BTBD9: variants seen among roughly 807,000 people sequenced by gnomAD.
BTBD9 encodes the protein BTB domain containing 9.
A neutral mutation model predicts 64.3 loss-of-function variants in BTBD9; 49 were observed. That is an observed-to-expected ratio of 0.76 (90% confidence interval 0.61 to 0.97). The LOEUF (loss-of-function observed/expected upper bound fraction) is 0.97, where lower values mean the gene tolerates loss of function less well. Among genes scored for constraint, BTBD9 ranks in the 50% least tolerant of loss-of-function variants. The probability of loss-of-function intolerance (pLI) is 0.00; values close to 1 mark genes in which losing one functional copy is unlikely to be tolerated. For missense variants in BTBD9, 598 were observed against 762.1 expected (o/e 0.78, Z 2.53); for synonymous variants, 260 against 274.7 (o/e 0.95, Z 0.53).
intron 7 of BTBD9, among the ~76,000 whole-genome samples, chr6:38,333,373 G>A (rs1253747419): frequency 2.6e-5 from 4 of 152,196 alleles, no homozygotes; most frequent in African/African-American, 4.8e-5. Context: ...AAACAGTTAA[G>A]TTAGTTTTGT....
intron 7 of BTBD9, among the ~76,000 whole-genome samples, chr6:38,291,965 C>CTTTT (rs562126426): frequency 7.0e-6 from 1 of 143,016 alleles, no homozygotes; most frequent in East Asian, 2.0e-4. Context: ...TTTTTTCTTT[C>CTTTT]TTTTTTTTTT....
intron 7 of BTBD9, among the ~76,000 whole-genome samples, chr6:38,306,346 C>A (rs1762621324): frequency 6.6e-6 from 1 of 152,178 alleles, no homozygotes; most frequent in South Asian, 2.1e-4. Flanking sequence ...TGTTCCTTTG[C>A]CATCCCTCAC....
chr6:38,334,491 C>T (rs556785646), intron 7 of BTBD9, among the ~76,000 whole-genome samples: 18 of 152,026 alleles, frequency 1.2e-4, no homozygotes, highest in African/African-American at 4.3e-4. Flanking sequence ...ACCCAGGAGG[C>T]GGAGGTTGTA....
intron 6 of BTBD9, among the ~76,000 whole-genome samples, chr6:38,378,964 G>A (rs887147374): frequency 1.3e-5 from 2 of 152,066 alleles, no homozygotes; most frequent in Non-Finnish European, 2.9e-5. Context: ...GCTGGTGTTT[G>A]CTCTGATGTA....
chr6:38,225,217 C>T (rs12176364), intron 9 of BTBD9, among the ~76,000 whole-genome samples: 12,415 of 152,266 alleles, frequency 0.082, 987 homozygotes, highest in East Asian at 0.45. Flanking sequence ...TCTCTTTTCC[C>T]ACAATGCCAT....
intron 1 of BTBD9, among the ~76,000 whole-genome samples, chr6:38,627,119 T>C (rs962523791): frequency 6.6e-6 from 1 of 152,188 alleles, no homozygotes; most frequent in Admixed American, 6.5e-5. Flanking sequence ...AAATGAACTA[T>C]CTGAGAGAAC....
chr6:38,398,594 T>C (rs1048712954), intron 6 of BTBD9, among the ~76,000 whole-genome samples: 1 of 152,164 alleles, frequency 6.6e-6, no homozygotes, highest in Non-Finnish European at 1.5e-5. Context: ...ACCTGCTCAC[T>C]GGCTATTAAT....
At chr6:38,391,380 G>C (rs936072996) in intron 6 of BTBD9, among the ~76,000 whole-genome samples, 1 of 152,174 alleles carries the variant, frequency 6.6e-6, no homozygotes, top group African/African-American at 2.4e-5. Context: ...ATGATACACA[G>C]TCTCTTGGAG....
intron 7 of BTBD9, among the ~76,000 whole-genome samples, chr6:38,303,874 T>TATATATATATATATACAC (rs368257334): frequency 5.4e-4 from 45 of 82,612 alleles, no homozygotes; most frequent in African/African-American, 1.2e-3. Flanking sequence ...TATATATATA[T>TATATATATATATATACAC]ACACACACAC....
intron 3 of BTBD9, among the ~76,000 whole-genome samples, chr6:38,593,408 A>C (rs1055269736): frequency 6.6e-6 from 1 of 152,224 alleles, no homozygotes; most frequent in Admixed American, 6.5e-5. Context: ...GATTTTTCTC[A>C]TTAGAAATAT....
At chr6:38,521,195 C>G (rs934125591) in intron 6 of BTBD9, among the ~76,000 whole-genome samples, 1 of 151,822 alleles carries the variant, frequency 6.6e-6, no homozygotes, top group African/African-American at 2.4e-5. Flanking sequence ...CCACTCTGCC[C>G]TTTATTGAAT....
At chr6:38,199,443 G>C (rs1199492990) in intron 9 of BTBD9, among the ~76,000 whole-genome samples, 2 of 152,078 alleles carry the variant, frequency 1.3e-5, no homozygotes, top group African/African-American at 4.8e-5. Flanking sequence ...TCCTTACTAT[G>C]GAATAAGCCC....
chr6:38,414,777 A>G (rs1204807876), intron 6 of BTBD9, among the ~76,000 whole-genome samples: 2 of 151,924 alleles, frequency 1.3e-5, no homozygotes. Flanking sequence ...TCCTTTATGC[A>G]TGGCCCTCTC....
At chr6:38,390,934 T>C (rs1766382528) in intron 6 of BTBD9, among the ~76,000 whole-genome samples, 1 of 152,256 alleles carries the variant, frequency 6.6e-6, no homozygotes, top group African/African-American at 2.4e-5. Context: ...GAACTCCTGC[T>C]TTAGTACATA....
intron 9 of BTBD9, among the ~76,000 whole-genome samples, chr6:38,194,075 C>T (rs540428606): frequency 2.0e-5 from 3 of 152,252 alleles, no homozygotes; most frequent in East Asian, 3.9e-4. Context: ...CCTATTTTCT[C>T]GGTGGGCGAC....
At chr6:38,525,645 G>A (rs1582576301) in intron 6 of BTBD9, among the ~76,000 whole-genome samples, 1 of 152,220 alleles carries the variant, frequency 6.6e-6, no homozygotes, top group East Asian at 1.9e-4. Context: ...GGCTGAGGTG[G>A]TCTCAGATGG....
At chr6:38,435,371 G>A (rs1181128902) in intron 6 of BTBD9, among the ~76,000 whole-genome samples, 1 of 150,392 alleles carries the variant, frequency 6.6e-6, no homozygotes, top group South Asian at 2.1e-4. Flanking sequence ...TGTGGTGGCG[G>A]TGCCTGTAAT....
chr6:38,568,006 C>G (rs760279836), intron 6 of BTBD9, among the ~76,000 whole-genome samples: 1 of 152,090 alleles, frequency 6.6e-6, no homozygotes, highest in Non-Finnish European at 1.5e-5. Context: ...CCTGATGAGC[C>G]ACTACCACCA....
At chr6:38,265,500 CTTTTTT>C (rs369951977) in intron 8 of BTBD9, among the ~76,000 whole-genome samples, 12 of 133,932 alleles carry the variant, frequency 9.0e-5, no homozygotes, top group African/African-American at 3.0e-4. Flanking sequence ...AACTACCAAT[CTTTTTT>C]TTTTTTTTTT....
Sources: allele counts gnomAD v4.1 joint callset (sites outside exome capture counted in the v4.1 genomes callset), GRCh38; gene constraint gnomAD v4.1.1; transcripts MANE v1.5; gene names NCBI Gene and HGNC (gene_info 2026-07-23, HGNC 2026-07-21).